Variants in SAMD3 observed in about 807,000 individuals in gnomAD.
SAMD3 encodes the protein sterile alpha motif domain containing 3.
SAMD3 carries 63 observed loss-of-function variants against 58.5 expected under a neutral mutation model. The observed-to-expected ratio is 1.08, with a 90% CI of 0.88 to 1.33. The LOEUF (loss-of-function observed/expected upper bound fraction) is 1.33. Among genes scored for constraint, SAMD3 ranks in the 40% most tolerant of loss-of-function variants. The pLI, the probability that SAMD3 is intolerant of heterozygous loss-of-function variation, is 0.00. For synonymous variants in SAMD3, 220 were observed against 210.3 expected (o/e 1.05, Z -0.40); for missense variants, 604 against 608.4 (o/e 0.99, Z 0.08).
chr6:130,180,062 G>T (rs555852548), intron 7 of SAMD3, among the ~76,000 whole-genome samples: 1 of 151,652 alleles, frequency 6.6e-6, no homozygotes, highest in Non-Finnish European at 1.5e-5. Context: ...TGATCCACCC[G>T]CCTCAGCCTC....
intron 1 of SAMD3, among the ~76,000 whole-genome samples, chr6:130,355,902 G>A (rs775097042): frequency 3.9e-5 from 6 of 152,186 alleles, no homozygotes; most frequent in Admixed American, 6.5e-5. Context: ...AACCACAAAA[G>A]ATTTACATCA....
intron 2 of SAMD3, among the ~76,000 whole-genome samples, chr6:130,292,808 C>T (rs10456985): frequency 0.28 from 42,472 of 151,398 alleles, 6,398 homozygotes; most frequent in East Asian, 0.45. Flanking sequence ...TTAGTAGAGA[C>T]GGGGTTTCAC....
intron 2 of SAMD3, among the ~76,000 whole-genome samples, chr6:130,303,884 A>C (rs1005164338): frequency 6.6e-6 from 1 of 152,186 alleles, no homozygotes; most frequent in Admixed American, 6.5e-5. Context: ...TTGCAAGTCT[A>C]TCTTCCAGTT....
intron 1 of SAMD3, among the ~76,000 whole-genome samples, chr6:130,321,033 C>T (rs1257868330): frequency 6.6e-6 from 1 of 152,214 alleles, no homozygotes; most frequent in Non-Finnish European, 1.5e-5. Context: ...ATCACTTTGT[C>T]TAACATAACT....
At chr6:130,277,937 CCTT>C (rs1305743405) in intron 2 of SAMD3, among the ~76,000 whole-genome samples, 6 of 152,048 alleles carry the variant, frequency 3.9e-5, no homozygotes, top group Non-Finnish European at 7.4e-5. Context: ...AAACAAATCT[CCTT>C]CTTGCTTGGG....
chr6:130,184,918 G>A (rs919559414), intron 5 of SAMD3, among the ~76,000 whole-genome samples: 1 of 152,116 alleles, frequency 6.6e-6, no homozygotes, highest in African/African-American at 2.4e-5. Context: ...TTCTTAAAGA[G>A]AAAATGTAAT....
At chr6:130,167,128 C>T (rs1056502357) in intron 8 of SAMD3, among the ~76,000 whole-genome samples, 1 of 152,002 alleles carries the variant, frequency 6.6e-6, no homozygotes. Context: ...AATCAATGGA[C>T]TTGAAATATA....
chr6:130,186,816 G>A (rs962841330), intron 5 of SAMD3, among the ~76,000 whole-genome samples: 3 of 133,606 alleles, frequency 2.2e-5, no homozygotes, highest in African/African-American at 8.7e-5. Context: ...TGTCACCCAG[G>A]CTGGAGTGCA....
chr6:130,150,356 G>A (rs967777820), intron 9 of SAMD3, among the ~76,000 whole-genome samples: 6 of 152,150 alleles, frequency 3.9e-5, no homozygotes, highest in African/African-American at 1.4e-4. Flanking sequence ...AGCATACAGT[G>A]CAGTTTCTTC....
At chr6:130,177,010 G>C (rs1791788726) in intron 7 of SAMD3, among the ~76,000 whole-genome samples, 1 of 152,184 alleles carries the variant, frequency 6.6e-6, no homozygotes, top group Admixed American at 6.5e-5. Flanking sequence ...ATCTGTCTCT[G>C]TGGACAGGCT....
In SAMD3 at chr6:130,169,114, A is replaced by G. The variant is rs114588854; in HGVS notation, c.822+6727T>C. 6.6e-3 allele frequency among the ~76,000 whole-genome samples: 1,000 copies of G among 152,280 alleles called. 16 individuals carry two copies. Among genetic ancestry groups the G allele is most frequent in the African/African-American group, 0.023 (969 of 41,550 alleles). ...ATGAGCCACCATGCCTGGCTCAGCA[A>G]TCTTAAAGACATTACAAAGGAGCTA... On this transcript the variant is annotated intron_variant, in intron 8 of 11. Coordinates refer to ENST00000439090, the MANE Select transcript of SAMD3 (RefSeq NM_001017373.4).
chr6:130,193,496 C>A (rs147567074), intron 5 of SAMD3, among the ~76,000 whole-genome samples: 3,081 of 152,092 alleles, frequency 0.02, 101 homozygotes, highest in African/African-American at 0.071. Context: ...GTGCCCTGAC[C>A]CCTTTCCCGC....
intron 5 of SAMD3, among the ~76,000 whole-genome samples, chr6:130,187,258 T>C (rs753201084): frequency 3.9e-5 from 6 of 152,224 alleles, no homozygotes; most frequent in Non-Finnish European, 7.3e-5. Context: ...TCCAGTGTTA[T>C]AAAATAAAGC....
intron 2 of SAMD3, among the ~76,000 whole-genome samples, chr6:130,302,834 T>C (rs1775798817): frequency 6.6e-6 from 1 of 152,174 alleles, no homozygotes; most frequent in African/African-American, 2.4e-5. Context: ...GAAAATCAAG[T>C]ACCACAAGTT....
chr6:130,358,577 T>C lies in SAMD3; in HGVS notation c.-304+6543A>G, dbSNP rs1777899970. On this transcript the variant is annotated intron_variant, in intron 1 of 13. Transcript: ENST00000368134. The stretch of plus-strand genomic sequence containing the variant: ...TTGTTGTTGTTATTTTTTTAAACTG[T>C]TCATTATCAAAATAATACAATTTCA... Among the ~76,000 whole-genome samples, 10 of 152,164 alleles carry C rather than the reference T, an allele frequency of 6.6e-5. No homozygotes were observed. The South Asian group carries it at 2.1e-3, about 31-fold the overall frequency.
At chr6:130,313,407 A>G (rs1776254155) in intron 1 of SAMD3, among the ~76,000 whole-genome samples, 1 of 152,158 alleles carries the variant, frequency 6.6e-6, no homozygotes, top group African/African-American at 2.4e-5. Context: ...ACATGTTTTG[A>G]GACATTGTCA....
intron 1 of SAMD3, among the ~76,000 whole-genome samples, chr6:130,344,768 A>G (rs1777387629): frequency 6.6e-6 from 1 of 150,434 alleles, no homozygotes; most frequent in African/African-American, 2.4e-5. Context: ...GAAAGAAAGA[A>G]AGAAGGAGGA....
intron 1 of SAMD3, among the ~76,000 whole-genome samples, chr6:130,339,479 C>A (rs1777206198): frequency 6.6e-6 from 1 of 152,108 alleles, no homozygotes; most frequent in Non-Finnish European, 1.5e-5. Flanking sequence ...CTCATGAGAC[C>A]TGATGGTTTT....
chr6:130,232,489 C>A (rs1796574917), intron 2 of SAMD3, among the ~76,000 whole-genome samples: 1 of 152,138 alleles, frequency 6.6e-6, no homozygotes, highest in Non-Finnish European at 1.5e-5. Flanking sequence ...TCTTGAAAAA[C>A]CAAAATTAAG....
Sources: allele counts gnomAD v4.1 joint callset (sites outside exome capture counted in the v4.1 genomes callset), GRCh38; gene constraint gnomAD v4.1.1; transcripts MANE v1.5; gene names NCBI Gene and HGNC (gene_info 2026-07-23, HGNC 2026-07-21).